ZNF804A: variants seen among roughly 807,000 people sequenced by gnomAD.
The protein encoded by ZNF804A is zinc finger protein 804A.
In ZNF804A, 2 loss-of-function variants were observed where a neutral mutation model predicts 16.5. The ratio of observed to expected loss-of-function variants is 0.12; its 90% CI spans 0.05 to 0.38. The LOEUF is 0.38. Among genes scored for constraint, ZNF804A ranks in the 10% least tolerant of loss-of-function variants. The probability of loss-of-function intolerance (pLI) is 0.99; values close to 1 mark genes in which losing one functional copy is unlikely to be tolerated. For missense variants in ZNF804A, 1,473 were observed against 1,390.7 expected, an observed-to-expected ratio of 1.06 and a Z score of -0.94; for synonymous variants, 534 against 489.6, an observed-to-expected ratio of 1.09 and a Z score of -1.20.
chr2:184,813,357 C>T (rs1208997820), intron 1 of ZNF804A, among the ~76,000 whole-genome samples: 2 of 151,980 alleles, frequency 1.3e-5, no homozygotes, highest in Admixed American at 6.6e-5. Context: ...TTGTCAGGTG[C>T]TCATTTCTGA....
chr2:184,732,251 C>T (rs900706882), intron 1 of ZNF804A, among the ~76,000 whole-genome samples: 1 of 79,798 alleles, frequency 1.3e-5, no homozygotes, highest in African/African-American at 2.7e-5. Flanking sequence ...TGTTTAAACT[C>T]ATTTTTTTTT....
intron 1 of ZNF804A, among the ~76,000 whole-genome samples, chr2:184,675,677 T>G (rs937199559): frequency 2.0e-5 from 3 of 151,808 alleles, no homozygotes; most frequent in African/African-American, 7.2e-5. Flanking sequence ...TTTCATTTTG[T>G]GGAAGAAGTG....
intron 1 of ZNF804A, among the ~76,000 whole-genome samples, chr2:184,684,383 A>G (rs952938599): frequency 1.3e-5 from 2 of 152,204 alleles, no homozygotes; most frequent in South Asian, 2.1e-4. Context: ...TAGTACAGCT[A>G]TAAGAAATTT....
At chr2:184,712,056 A>T (rs1693137533) in intron 1 of ZNF804A, among the ~76,000 whole-genome samples, 1 of 151,688 alleles carries the variant, frequency 6.6e-6, no homozygotes, top group Non-Finnish European at 1.5e-5. Flanking sequence ...TTCTTGAGTA[A>T]TGAGGACACT....
intron 1 of ZNF804A, among the ~76,000 whole-genome samples, chr2:184,615,946 CTA>C (rs1282960116): frequency 2.0e-5 from 3 of 152,110 alleles, no homozygotes; most frequent in Admixed American, 2.0e-4. Context: ...TTCTAGTTGA[CTA>C]TTTTAAGTGA....
intron 1 of ZNF804A, among the ~76,000 whole-genome samples, chr2:184,818,431 C>T (rs1462875977): frequency 2.0e-5 from 3 of 151,348 alleles, no homozygotes; most frequent in African/African-American, 7.3e-5. Flanking sequence ...AAAGGAAAAA[C>T]CATTACCAGC....
chr2:184,810,267 C>CTGCTATAG, intron 1 of ZNF804A, among the ~76,000 whole-genome samples: 1 of 152,124 alleles, frequency 6.6e-6, no homozygotes. Flanking sequence ...TTGCCAACGC[C>CTGCTATAG]TGCTATAGGT....
At chr2:184,898,198 G>A (rs577553980) in intron 2 of ZNF804A, among the ~76,000 whole-genome samples, 195 of 152,168 alleles carry the variant, frequency 1.3e-3, no homozygotes, top group African/African-American at 4.5e-3. Context: ...ATAAAGAATG[G>A]TAGAGCATTA....
intron 1 of ZNF804A, among the ~76,000 whole-genome samples, chr2:184,672,150 A>C (rs549738848): frequency 6.6e-6 from 1 of 152,356 alleles, no homozygotes; most frequent in South Asian, 2.1e-4. Flanking sequence ...ATGGTACTAG[A>C]ATTTCTGAAA....
At chr2:184,648,254 T>C (rs1691914963) in intron 1 of ZNF804A, among the ~76,000 whole-genome samples, 4 of 152,136 alleles carry the variant, frequency 2.6e-5, no homozygotes, top group South Asian at 4.1e-4. Context: ...AAGAGATTTT[T>C]AAGGGAGTTT....
In ZNF804A at chr2:184,936,815, A is replaced by C. The variant is rs1223425101; in HGVS notation, c.1419A>C (p.Leu473=). 5 of 1,612,920 alleles carry C rather than the reference A, an allele frequency of 3.1e-6. No individual in the cohort carries two copies. Among genetic ancestry groups the C allele is most frequent in the African/African-American group, 2.7e-5 (2 of 74,838 alleles). ...DFKSTKVNNN[L]DKNKPDLKDL... Reference sequence around the variant, plus strand: ...AGTCTACTAAAGTAAATAATAATCTAGATAAAAATAAGCCAGACTTAAAAG... The same window carrying C: ...AGTCTACTAAAGTAAATAATAATCTCGATAAAAATAAGCCAGACTTAAAAG... Residue 473 remains leucine (L), a synonymous_variant, in exon 4 of 4, where the codon CTA becomes CTC. Transcript: ENST00000302277.
chr2:184,687,986 G>T (rs1472015426), intron 1 of ZNF804A, among the ~76,000 whole-genome samples: 2 of 152,232 alleles, frequency 1.3e-5, no homozygotes, highest in Non-Finnish European at 2.9e-5. Context: ...GCGTGTGGTG[G>T]TGTGTGCCTG....
chr2:184,731,152 G>A lies in ZNF804A; in HGVS notation c.111+132082G>A, dbSNP rs1372803839. 3.5e-5 allele frequency among the ~76,000 whole-genome samples: 5 copies of A among 144,652 alleles called. No homozygotes were observed. In the East Asian group the frequency reaches 1.1e-3, roughly 32 times the overall value. The allele number at this position is 144,652 out of a possible 152,430, so 94.9% of individuals were successfully genotyped here. The stretch of plus-strand genomic sequence containing the variant: ...TGTAATCCCAGCTACTCAGGAGGCT[G>A]AGGAAGGAGAATTGCTTGAACCTGG... On this transcript the variant is annotated intron_variant, in intron 1 of 3. Coordinates refer to ENST00000302277, the MANE Select transcript of ZNF804A (RefSeq NM_194250.2).
intron 1 of ZNF804A, among the ~76,000 whole-genome samples, chr2:184,739,658 C>T (rs1353235570): frequency 6.6e-6 from 1 of 152,170 alleles, no homozygotes. Context: ...TCCCAAAGTG[C>T]TGGGATGACA....
In ZNF804A at chr2:184,684,877, AG is replaced by A. The variant is rs555817704; in HGVS notation, c.111+85809del. Among the ~76,000 whole-genome samples the A allele has an allele frequency of 4.2e-3, 636 of 152,286 alleles. 3 individuals carry two copies. Among genetic ancestry groups the A allele is most frequent in the Middle Eastern group, 6.8e-3 (2 of 294 alleles). Reference sequence around the variant, plus strand: ...TCTAGCTCTGTCCACATTGCTGCAAAGGACATGATTTTATTCTCTTTTATGG... The same window carrying A: ...TCTAGCTCTGTCCACATTGCTGCAAAGACATGATTTTATTCTCTTTTATGG... On this transcript the variant is annotated intron_variant, in intron 1 of 3. Coordinates refer to ENST00000302277, the MANE Select transcript of ZNF804A (RefSeq NM_194250.2).
intron 1 of ZNF804A, among the ~76,000 whole-genome samples, chr2:184,682,020 C>A (rs1324435134): frequency 6.6e-6 from 1 of 152,236 alleles, no homozygotes; most frequent in Non-Finnish European, 1.5e-5. Context: ...CACGACAGCA[C>A]CCCCTGCCGC....
At chr2:184,756,463 TATAGA>T (rs1398411365) in intron 1 of ZNF804A, among the ~76,000 whole-genome samples, 3 of 152,008 alleles carry the variant, frequency 2.0e-5, no homozygotes, top group Non-Finnish European at 4.4e-5. Context: ...TTCATACACT[TATAGA>T]ATACTTTCCC....
chr2:184,696,226 C>T (rs747739896), intron 1 of ZNF804A, among the ~76,000 whole-genome samples: 3 of 151,736 alleles, frequency 2.0e-5, no homozygotes, highest in South Asian at 2.1e-4. Context: ...TCAACAAAGG[C>T]GAGATTGGGT....
chr2:184,723,555 T>A (rs1693357343), intron 1 of ZNF804A, among the ~76,000 whole-genome samples: 2 of 151,824 alleles, frequency 1.3e-5, no homozygotes, highest in South Asian at 4.1e-4. Flanking sequence ...TTCATTATTT[T>A]ATAGGAACAC....
Sources: allele counts gnomAD v4.1 joint callset (sites outside exome capture counted in the v4.1 genomes callset), GRCh38; gene constraint gnomAD v4.1.1; transcripts MANE v1.5; gene names NCBI Gene and HGNC (gene_info 2026-07-23, HGNC 2026-07-21).